CRIM1: variants seen among roughly 807,000 people sequenced by gnomAD.
CRIM1 encodes the protein cysteine-rich motor neuron 1 protein.
CRIM1 carries 32 observed loss-of-function variants against 116.4 expected under a neutral mutation model. The observed-to-expected ratio is 0.27, with a 90% CI of 0.21 to 0.37. The LOEUF (loss-of-function observed/expected upper bound fraction) is 0.37, where lower values mean the gene tolerates loss of function less well. Among genes scored for constraint, CRIM1 ranks in the 10% least tolerant of loss-of-function variants. The pLI is 1.00. For synonymous variants in CRIM1, 590 were observed against 509.2 expected, an observed-to-expected ratio of 1.16 and a Z score of -2.13; for missense variants, 1,331 against 1,354.8, an observed-to-expected ratio of 0.98 and a Z score of 0.28.
chr2:36,450,134 A>C (rs943221882), intron 4 of CRIM1, among the ~76,000 whole-genome samples: 7 of 152,028 alleles, frequency 4.6e-5, no homozygotes, highest in African/African-American at 1.7e-4. Flanking sequence ...ATAAGGATTT[A>C]CTCTGTTAAA....
chr2:36,431,727 T>C (rs961021182), intron 2 of CRIM1, among the ~76,000 whole-genome samples: 4 of 152,180 alleles, frequency 2.6e-5, no homozygotes, highest in Non-Finnish European at 4.4e-5. Flanking sequence ...TGAGCATCCT[T>C]GGAACCTGAC....
chr2:36,480,638 T>A (rs1289852103), intron 7 of CRIM1, among the ~76,000 whole-genome samples: 3 of 152,146 alleles, frequency 2.0e-5, no homozygotes, highest in Non-Finnish European at 4.4e-5. Flanking sequence ...AAACTCAGAC[T>A]CCAGAGTTTG....
At chr2:36,416,198 A>AT (rs1177316974) in intron 2 of CRIM1, among the ~76,000 whole-genome samples, 1 of 144,798 alleles carries the variant, frequency 6.9e-6, no homozygotes, top group African/African-American at 2.6e-5. Flanking sequence ...ATAGGGTGGG[A>AT]TTTTGTCTCA....
chr2:36,504,515 C>T (rs567346976), intron 8 of CRIM1, among the ~76,000 whole-genome samples: 7 of 152,218 alleles, frequency 4.6e-5, no homozygotes, highest in Admixed American at 2.0e-4. Context: ...CGTAATTTGC[C>T]GTTTTAATCG....
intron 4 of CRIM1, among the ~76,000 whole-genome samples, chr2:36,445,901 C>T (rs770922883): frequency 4.6e-5 from 7 of 151,966 alleles, no homozygotes; most frequent in Non-Finnish European, 5.9e-5. Context: ...CATATTTAGG[C>T]ATAAAGAAGA....
At chr2:36,438,344 C>T (rs1675500499) in intron 2 of CRIM1, among the ~76,000 whole-genome samples, 1 of 152,110 alleles carries the variant, frequency 6.6e-6, no homozygotes, top group South Asian at 2.1e-4. Flanking sequence ...CAATCAAAGT[C>T]ACAAAGCTTT....
chr2:36,421,355 G>A (rs2124860181), intron 2 of CRIM1, among the ~76,000 whole-genome samples: 1 of 152,216 alleles, frequency 6.6e-6, no homozygotes, highest in East Asian at 1.9e-4. Flanking sequence ...TGTTTAAAAT[G>A]CTTACTCACT....
At chr2:36,403,416 T>C (rs1034800605) in intron 2 of CRIM1, among the ~76,000 whole-genome samples, 1 of 152,166 alleles carries the variant, frequency 6.6e-6, no homozygotes, top group East Asian at 1.9e-4. Flanking sequence ...TTATATTGAG[T>C]GGACAAATAA....
At chr2:36,455,622 T>A (rs1316324385) in intron 4 of CRIM1, among the ~76,000 whole-genome samples, 1 of 152,190 alleles carries the variant, frequency 6.6e-6, no homozygotes, top group Non-Finnish European at 1.5e-5. Context: ...AGCAACCATG[T>A]GCAAGTAGCC....
At chr2:36,482,286 C>A (rs951812179) in intron 7 of CRIM1, among the ~76,000 whole-genome samples, 1 of 152,022 alleles carries the variant, frequency 6.6e-6, no homozygotes, top group Non-Finnish European at 1.5e-5. Context: ...AATGTATTTA[C>A]TCTCCAATAA....
intron 1 of CRIM1, among the ~76,000 whole-genome samples, chr2:36,357,992 A>C (rs765447751): frequency 6.6e-6 from 1 of 152,164 alleles, no homozygotes; most frequent in Non-Finnish European, 1.5e-5. Flanking sequence ...TTATACCTGA[A>C]TAGTTTGGGG....
intron 3 of CRIM1, among the ~76,000 whole-genome samples, chr2:36,441,891 C>T (rs916532790): frequency 6.6e-6 from 1 of 152,216 alleles, no homozygotes; most frequent in Non-Finnish European, 1.5e-5. Flanking sequence ...AAACAATCAT[C>T]ATACGTAAAA....
chr2:36,459,430 G>C (rs1677412160), intron 4 of CRIM1, among the ~76,000 whole-genome samples: 1 of 152,090 alleles, frequency 6.6e-6, no homozygotes. Flanking sequence ...CCATGAAAAA[G>C]TTTATTTCAG....
At chr2:36,469,274 A>C (rs892289058) in intron 5 of CRIM1, among the ~76,000 whole-genome samples, 2 of 152,200 alleles carry the variant, frequency 1.3e-5, no homozygotes, top group African/African-American at 4.8e-5. Context: ...TTATGAAGTA[A>C]GTTCAGAGAA....
At chr2:36,544,577 A>T in intron 15 of CRIM1, 79 bp downstream of exon 15, 3 of 1,282,430 alleles carry the variant, frequency 2.3e-6, no homozygotes, top group Non-Finnish European at 3.0e-6. Flanking sequence ...AAAATTTCCT[A>T]TGAGTAACTT....
At chr2:36,512,422 C>G in intron 10 of CRIM1, 28 bp downstream of exon 10, 2 of 1,576,510 alleles carry the variant, frequency 1.3e-6, no homozygotes, top group Non-Finnish European at 1.7e-6. Context: ...GCCCTTCCCC[C>G]TCAAAGCAGC....
chr2:36,462,281 C>T (rs951913737), intron 4 of CRIM1, among the ~76,000 whole-genome samples: 1 of 152,186 alleles, frequency 6.6e-6, no homozygotes, highest in Admixed American at 6.5e-5. Flanking sequence ...GTGACAGGTA[C>T]ACTAAAAGCT....
At chr2:36,424,482 A>G (rs1028566261) in intron 2 of CRIM1, among the ~76,000 whole-genome samples, 6 of 152,136 alleles carry the variant, frequency 3.9e-5, no homozygotes, top group African/African-American at 1.4e-4. Context: ...TAGGAGATGG[A>G]CATATCTGAT....
chr2:36,515,244 C>T (rs1482056550), intron 11 of CRIM1, among the ~76,000 whole-genome samples: 1 of 152,172 alleles, frequency 6.6e-6, no homozygotes, highest in African/African-American at 2.4e-5. Context: ...AATGCAAAGA[C>T]ATTAAGAATG....
Sources: gnomAD v4.1 joint callset for allele counts (sites outside exome capture counted in the v4.1 genomes callset) on GRCh38, gnomAD v4.1.1 for gene constraint, MANE v1.5 for transcripts, NCBI Gene and HGNC (gene_info 2026-07-23, HGNC 2026-07-21) for gene names.